YIF1B: variants seen among roughly 807,000 people sequenced by gnomAD.
The protein encoded by YIF1B is protein YIF1B.
A neutral mutation model predicts 34.6 loss-of-function variants in YIF1B; 24 were observed. The observed-to-expected ratio is 0.69, with a 90% CI of 0.50 to 0.98. The LOEUF (loss-of-function observed/expected upper bound fraction) is 0.98, where lower values mean the gene tolerates loss of function less well. Ranked by LOEUF, YIF1B falls within the 50% of genes least tolerant of loss-of-function variation. The pLI, the probability that YIF1B is intolerant of heterozygous loss-of-function variation, is 0.00. For missense variants in YIF1B, 368 were observed against 429.4 expected (o/e 0.86, Z 1.26); for synonymous variants, 186 against 184.8 (o/e 1.01, Z -0.05).
At position 38,309,305 on chromosome 19, in the gene YIF1B, G is replaced by A. The variant is rs780002899; in HGVS notation, c.321C>T (p.Thr107=). The A allele has an allele frequency of 6.2e-7, 1 of 1,614,148 alleles. No homozygotes were observed. The highest frequency in any genetic ancestry group is 1.1e-5 in the South Asian group (1 of 91,088). Residue 107 remains threonine (T), a synonymous_variant, in exon 3 of 8, where the codon ACC becomes ACT. Coordinates refer to ENST00000339413, the MANE Select transcript of YIF1B (RefSeq NM_001039672.3). Reference sequence around the variant, plus strand: ...CCACAGCAAAGTAATACTTGAGCTTGGTGATGGGGATGAAGCGGTCGATCT... The same window carrying A: ...CCACAGCAAAGTAATACTTGAGCTTAGTGATGGGGATGAAGCGGTCGATCT... ...DKNIDRFIPI[T]KLKYYFAVDT... is the part of the protein sequence containing the mutation.
At chr19:38,307,792 G>A in intron 5 of YIF1B, 40 bp from the exon 6 acceptor site, 1 of 1,606,324 alleles carries the variant, frequency 6.2e-7, no homozygotes, top group Non-Finnish European at 8.5e-7. Flanking sequence ...GGCTGGTTCA[G>A]ACCCCCCACC....
At position 38,304,824 on chromosome 19, in the gene YIF1B, T is replaced by C. The variant is rs770448852; in HGVS notation, c.*528A>G. ...GCCCAGAACCATCTCTTCTCTCCCATCCCTGCCCTCGGCCCCACAGTCCCA... is the reference window on the plus strand; with the variant it reads ...GCCCAGAACCATCTCTTCTCTCCCACCCCTGCCCTCGGCCCCACAGTCCCA... On this transcript the variant is annotated 3_prime_UTR_variant, in exon 8 of 8. Coordinates refer to ENST00000339413, the MANE Select transcript of YIF1B (RefSeq NM_001039672.3). 43 of 1,613,220 alleles carry C rather than the reference T, an allele frequency of 2.7e-5. No homozygotes were observed. In the African/African-American group the frequency reaches 5.6e-4, roughly 21 times the overall value.
At chr19:38,314,639 T>TTTG (rs1600407413) in intron 1 of YIF1B, among the ~76,000 whole-genome samples, 1 of 146,934 alleles carries the variant, frequency 6.8e-6, no homozygotes, top group East Asian at 2.1e-4. Flanking sequence ...TTTTTTTTTT[T>TTTG]TTGAGGCGAA....
At chr19:38,316,854 T>A (rs898244939), upstream of YIF1B, among the ~76,000 whole-genome samples, 1 of 152,122 alleles carries the variant, frequency 6.6e-6, no homozygotes, top group Non-Finnish European at 1.5e-5. Context: ...CAAAACAGGA[T>A]CTTGCTATGT....
At chr19:38,320,736 T>G (rs1969642464), upstream of YIF1B, among the ~76,000 whole-genome samples, 2 of 152,032 alleles carry the variant, frequency 1.3e-5, no homozygotes, top group African/African-American at 4.8e-5. Context: ...TTTTTGTATT[T>G]TCAGTGGAGA....
At chr19:38,307,004 A>G in intron 7 of YIF1B, 1 of 475,312 alleles carries the variant, frequency 2.1e-6, no homozygotes. Flanking sequence ...AATTTAAAGA[A>G]AGGAAGTGAT....
chr19:38,312,962 T>C (rs1238670635), intron 1 of YIF1B, among the ~76,000 whole-genome samples: 1 of 152,094 alleles, frequency 6.6e-6, no homozygotes, highest in African/African-American at 2.4e-5. Flanking sequence ...TCTTCTTCTT[T>C]TTTTTTTAGA....
Position 38,305,115 on chromosome 19 carries a change from C to A in YIF1B, c.*237G>T, listed in dbSNP as rs753784636. Reference sequence around the variant, plus strand: ...CGAGGCCAAGGAGAGGCTGTCCACGCCATGCCCATCAGGGTTTATTGTTTC... The same window carrying A: ...CGAGGCCAAGGAGAGGCTGTCCACGACATGCCCATCAGGGTTTATTGTTTC... On this transcript the variant is annotated 3_prime_UTR_variant, in exon 8 of 8. Transcript: ENST00000339413. 177 of 1,449,716 alleles carry A rather than the reference C, an allele frequency of 1.2e-4. No homozygotes were observed. Among genetic ancestry groups the A allele is most frequent in the Non-Finnish European group, 1.6e-4 (169 of 1,086,904 alleles). The allele number at this position is 1,449,716 out of a possible 1,614,324, so 89.8% of individuals were successfully genotyped here.
At chr19:38,318,193 C>CAAAAAA (rs35748833), upstream of YIF1B, among the ~76,000 whole-genome samples, 760 of 29,892 alleles carry the variant, frequency 0.025, 101 homozygotes, top group Middle Eastern at 0.056. Context: ...ACTCTTGTCT[C>CAAAAAA]AAAAAAAAAA....
Position 38,305,089 on chromosome 19 carries a change from G to C in YIF1B, c.*263C>G. The C allele has an allele frequency of 6.7e-7, 1 of 1,493,836 alleles. No homozygotes were observed. Among genetic ancestry groups the C allele is most frequent in the Non-Finnish European group, 9.0e-7 (1 of 1,116,866 alleles). 92.5% of individuals were successfully genotyped at this position (1,493,836 alleles called of 1,614,324 possible). On this transcript the variant is annotated 3_prime_UTR_variant, in exon 8 of 8. Transcript: ENST00000339413. ...CAGCGCTGGGCCCGCCCATTCGTGC[G>C]CGAGGCCAAGGAGAGGCTGTCCACG...
chr19:38,309,864 C>T, intron 1 of YIF1B: 1 of 1,408,916 alleles, frequency 7.1e-7, no homozygotes, highest in Non-Finnish European at 9.2e-7. Context: ...ATACATTCAT[C>T]TATGCATCCA....
chr19:38,316,497 A>T (rs1167429114), upstream of YIF1B, among the ~76,000 whole-genome samples: 1 of 152,118 alleles, frequency 6.6e-6, no homozygotes, highest in Non-Finnish European at 1.5e-5. Flanking sequence ...AACATTTTTT[A>T]AAATGTAAAT....
chr19:38,305,871 GAAGACACGCCAGA>G (rs1421232063), intron 7 of YIF1B, among the ~76,000 whole-genome samples: 2 of 152,186 alleles, frequency 1.3e-5, no homozygotes, highest in Non-Finnish European at 2.9e-5. Flanking sequence ...GGCAATTTCT[GAAGACACGCCAGA>G]AATGCTATCT....
At chr19:38,316,388 C>T (rs938848963), upstream of YIF1B, among the ~76,000 whole-genome samples, 1 of 151,800 alleles carries the variant, frequency 6.6e-6, no homozygotes, top group Non-Finnish European at 1.5e-5. Flanking sequence ...GGCTCAGTGG[C>T]TTAACGCCTG....
At position 38,304,482 on chromosome 19, in the gene YIF1B, G is replaced by T. The variant is rs1406081288; in HGVS notation, c.*870C>A. On this transcript the variant is annotated 3_prime_UTR_variant, in exon 8 of 8. Coordinates refer to ENST00000339413, the MANE Select transcript of YIF1B (RefSeq NM_001039672.3). ...CCGGTCGGAGGCAGGGGCAGGTCCG[G>T]GTCCAAAGGTAAGTCGCCTCATCAC... is the stretch of plus-strand genomic sequence containing the variant. The T allele has an allele frequency of 1.3e-6, 2 of 1,555,850 alleles. No individual in the cohort carries two copies. The highest frequency in any genetic ancestry group is 1.7e-6 in the Non-Finnish European group (2 of 1,150,052).
intron 7 of YIF1B, among the ~76,000 whole-genome samples, chr19:38,305,942 G>A (rs966868540): frequency 2.0e-5 from 3 of 151,682 alleles, no homozygotes; most frequent in Non-Finnish European, 4.4e-5. Flanking sequence ...GTTGGCTCAC[G>A]CCTGTAATCC....
intron 1 of YIF1B, among the ~76,000 whole-genome samples, chr19:38,314,740 A>G (rs1056873627): frequency 6.6e-6 from 1 of 150,442 alleles, no homozygotes. Context: ...CAGACTCCCA[A>G]GTAGCCGGGA....
Position 38,304,463 on chromosome 19 carries a change from G to A in YIF1B, c.*889C>T, listed in dbSNP as rs1391612621. ...GTCCCCACAAAGTTCAGGGCCGGTC[G>A]GAGGCAGGGGCAGGTCCGGGTCCAA... On this transcript the variant is annotated 3_prime_UTR_variant, in exon 8 of 8. Transcript: ENST00000339413. 8 of 1,556,136 alleles carry A rather than the reference G, an allele frequency of 5.1e-6. No individual in the cohort carries two copies. In the East Asian group the frequency reaches 1.7e-4, roughly 33 times the overall value.
intron 5 of YIF1B, 39 bp downstream of exon 5, chr19:38,308,752 CA>C: frequency 6.2e-7 from 1 of 1,613,420 alleles, no homozygotes; most frequent in Non-Finnish European, 8.5e-7. Flanking sequence ...ATGGGCCTCC[CA>C]AACCCCACCT....
Sources: gnomAD v4.1 joint callset for allele counts (sites outside exome capture counted in the v4.1 genomes callset) on GRCh38, gnomAD v4.1.1 for gene constraint, MANE v1.5 for transcripts, NCBI Gene and HGNC (gene_info 2026-07-23, HGNC 2026-07-21) for gene names.